Variants in KIF18A observed in about 807,000 individuals in gnomAD.
KIF18A encodes kinesin family member 18A, also known as kinesin-like protein KIF18A.
A neutral mutation model predicts 103.3 loss-of-function variants in KIF18A; 67 were observed. That is an observed-to-expected ratio of 0.65 (90% confidence interval 0.53 to 0.79). KIF18A has a LOEUF of 0.79. Ranked by LOEUF, KIF18A falls within the 30% of genes least tolerant of loss-of-function variation. The pLI is 0.00. For missense variants in KIF18A, 1,032 were observed against 1,062.5 expected, an observed-to-expected ratio of 0.97 and a Z score of 0.40; for synonymous variants, 367 against 355.5, an observed-to-expected ratio of 1.03 and a Z score of -0.36.
chr11:28,092,060 C>G (rs550342491), intron 3 of KIF18A, among the ~76,000 whole-genome samples: 1 of 152,260 alleles, frequency 6.6e-6, no homozygotes, highest in South Asian at 2.1e-4. Flanking sequence ...CGTGATCCGC[C>G]CACCTCGGCC....
intron 13 of KIF18A, among the ~76,000 whole-genome samples, chr11:28,057,157 A>G (rs1850791382): frequency 6.6e-6 from 1 of 152,138 alleles, no homozygotes; most frequent in Non-Finnish European, 1.5e-5. Context: ...ACTAGTGTGA[A>G]TGAGCAAAGG....
intron 9 of KIF18A, among the ~76,000 whole-genome samples, chr11:28,078,938 G>A (rs1851128158): frequency 6.6e-6 from 1 of 151,788 alleles, no homozygotes; most frequent in Admixed American, 6.6e-5. Flanking sequence ...TAATTTTTAG[G>A]GGAAATAACA....
chr11:28,049,202 A>G (rs1202679227), intron 13 of KIF18A, among the ~76,000 whole-genome samples: 1 of 152,102 alleles, frequency 6.6e-6, no homozygotes, highest in East Asian at 1.9e-4. Context: ...ATAAATCTCT[A>G]AAACATAATT....
chr11:28,049,597 G>A (rs919057841), intron 13 of KIF18A, among the ~76,000 whole-genome samples: 61 of 151,964 alleles, frequency 4.0e-4, no homozygotes, highest in Non-Finnish European at 1.9e-4. Flanking sequence ...TTGAGGTTTG[G>A]TACAAAACGA....
intron 11 of KIF18A, among the ~76,000 whole-genome samples, chr11:28,066,267 T>C (rs1259412399): frequency 1.3e-5 from 2 of 152,074 alleles, no homozygotes; most frequent in Non-Finnish European, 2.9e-5. Context: ...CCACACCTGC[T>C]ACCAATCCAA....
chr11:28,045,257 C>G (rs1366980315), intron 13 of KIF18A, among the ~76,000 whole-genome samples: 2 of 151,974 alleles, frequency 1.3e-5, no homozygotes, highest in Admixed American at 1.3e-4. Context: ...TGGTATTGCT[C>G]TTTAAGCTAC....
chr11:28,028,171 A>G (rs948110882), intron 15 of KIF18A, among the ~76,000 whole-genome samples: 2 of 152,096 alleles, frequency 1.3e-5, no homozygotes, highest in African/African-American at 4.8e-5. Context: ...ACTCTCACCA[A>G]GCGGACTTAA....
chr11:28,073,250 A>G (rs529370001), intron 10 of KIF18A, among the ~76,000 whole-genome samples: 3 of 152,008 alleles, frequency 2.0e-5, no homozygotes, highest in African/African-American at 4.8e-5. Flanking sequence ...CGAAGTTTTG[A>G]GTATAGTTAT....
intron 15 of KIF18A, among the ~76,000 whole-genome samples, chr11:28,029,067 C>T (rs961087549): frequency 4.6e-5 from 7 of 152,048 alleles, no homozygotes; most frequent in East Asian, 1.9e-4. Flanking sequence ...AGTCCAGGAC[C>T]GGGCGGATTC....
At chr11:28,029,753 G>C (rs1358178520) in intron 15 of KIF18A, among the ~76,000 whole-genome samples, 4 of 144,340 alleles carry the variant, frequency 2.8e-5, no homozygotes, top group Non-Finnish European at 3.0e-5. Context: ...CCTGTTTGCA[G>C]ATGACATGAT....
At chr11:28,058,106 CTACA>C (rs1345203342) in intron 13 of KIF18A, among the ~76,000 whole-genome samples, 1 of 152,058 alleles carries the variant, frequency 6.6e-6, no homozygotes, top group Non-Finnish European at 1.5e-5. Flanking sequence ...TTCTTTTCTT[CTACA>C]TTGTCTGAAT....
intron 1 of KIF18A, among the ~76,000 whole-genome samples, chr11:28,102,898 T>C (rs1851463977): frequency 6.6e-6 from 1 of 152,208 alleles, no homozygotes; most frequent in Admixed American, 6.5e-5. Flanking sequence ...AGCATTTAGT[T>C]GATTCTGAAT....
intron 13 of KIF18A, among the ~76,000 whole-genome samples, chr11:28,049,060 A>G (rs1565075718): frequency 6.6e-6 from 1 of 152,128 alleles, no homozygotes; most frequent in Non-Finnish European, 1.5e-5. Flanking sequence ...TGTGAAGTGT[A>G]GACTGCAGTG....
intron 13 of KIF18A, among the ~76,000 whole-genome samples, chr11:28,052,068 G>T (rs1048773197): frequency 6.6e-6 from 1 of 151,874 alleles, no homozygotes; most frequent in Non-Finnish European, 1.5e-5. Context: ...AATCTTGCTG[G>T]CTCTACCTTC....
At chr11:28,021,398 T>A (rs748243914) in intron 16 of KIF18A, 116 bp from the exon 17 acceptor site, 1 of 844,406 alleles carries the variant, frequency 1.2e-6, no homozygotes, top group Non-Finnish European at 1.6e-6. Flanking sequence ...TTGAAATTCA[T>A]AGTTGTTAGT....
chr11:28,083,816 A>G (rs529798730), intron 7 of KIF18A, among the ~76,000 whole-genome samples: 8 of 152,124 alleles, frequency 5.3e-5, no homozygotes, highest in African/African-American at 9.7e-5. Flanking sequence ...ATGTGTTACA[A>G]ACCTTTCTGT....
intron 16 of KIF18A, among the ~76,000 whole-genome samples, chr11:28,021,739 T>C (rs1291353758): frequency 2.0e-5 from 3 of 152,232 alleles, no homozygotes; most frequent in Non-Finnish European, 2.9e-5. Flanking sequence ...ATCTTAATCC[T>C]ATAGCTCTTT....
chr11:28,067,397 G>A (rs1850947184), intron 11 of KIF18A, among the ~76,000 whole-genome samples: 1 of 152,014 alleles, frequency 6.6e-6, no homozygotes, highest in South Asian at 2.1e-4. Flanking sequence ...GATATCTGCT[G>A]CTTGCTCCTT....
At chr11:28,059,851 AATG>A (rs1165668135) in intron 12 of KIF18A, among the ~76,000 whole-genome samples, 1 of 152,118 alleles carries the variant, frequency 6.6e-6, no homozygotes, top group Non-Finnish European at 1.5e-5. Context: ...TACTATGTGA[AATG>A]ATGAGACATA....
Sources: gnomAD v4.1 joint callset for allele counts (sites outside exome capture counted in the v4.1 genomes callset) on GRCh38, gnomAD v4.1.1 for gene constraint, MANE v1.5 for transcripts, NCBI Gene and HGNC (gene_info 2026-07-23, HGNC 2026-07-21) for gene names.